TNK2: variants seen among roughly 807,000 people sequenced by gnomAD.
TNK2 encodes the protein activated CDC42 kinase 1.
Under a neutral mutation model 101.8 loss-of-function variants are expected in TNK2, and 83 were observed. The observed-to-expected ratio is 0.82, with a 90% CI of 0.68 to 0.98. The LOEUF (loss-of-function observed/expected upper bound fraction) is 0.98. Among genes scored for constraint, TNK2 ranks in the 50% least tolerant of loss-of-function variants. The pLI is 0.00. For synonymous variants in TNK2, 804 were observed against 633.0 expected (o/e 1.27, Z -4.06); for missense variants, 1,665 against 1,483.2 (o/e 1.12, Z -2.01).
rs79051401 is a variant in TNK2 at position 195,901,019 on chromosome 3, A to G, written c.-19+7466T>C. 7.9e-3 allele frequency among the ~76,000 whole-genome samples: 1,211 copies of G among 152,368 alleles called. 17 individuals carry two copies. The highest frequency in any genetic ancestry group is 0.028 in the African/African-American group (1,146 of 41,582). ...CTGGGAAGTGAACATTCAGTCTACA[A>G]GATACACTGCTCATTCCCTCAGGAC... On this transcript the variant is annotated intron_variant, in intron 1 of 15. Transcript: ENST00000672887.
At chr3:195,867,045 G>T in intron 14 of TNK2, 29 bp from the exon 15 acceptor site, 1 of 1,612,034 alleles carries the variant, frequency 6.2e-7, no homozygotes, top group Middle Eastern at 1.7e-4. Flanking sequence ...CCATGGACAC[G>T]CGGGCCCAGG....
In TNK2 at chr3:195,867,729, G is replaced by A. The variant is rs780578357; in HGVS notation, c.2569C>T (p.Pro857Ser). 5.2e-5 allele frequency: 83 copies of A among 1,604,408 alleles called. No homozygotes were observed. Among genetic ancestry groups the A allele is most frequent in the Non-Finnish European group, 6.9e-5 (81 of 1,176,594 alleles). The change falls in exon 13 of 16, where the codon CCC becomes TCC. Residue 857 changes from proline to serine, a missense_variant. By Grantham distance (74) the Pro-to-Ser change is moderately conservative. Transcript: ENST00000672887. ...VIQAPGPRAG[P>S]CILPIVRDGK... ...TCCCGGACGATGGGCAGGATGCAGGGACCAGCCCGCGGGCCAGGGGCCTGG... is the reference window on the plus strand; with the variant it reads ...TCCCGGACGATGGGCAGGATGCAGGAACCAGCCCGCGGGCCAGGGGCCTGG...
intron 4 of TNK2, 91 bp downstream of exon 4, chr3:195,884,721 G>T: frequency 8.2e-7 from 1 of 1,219,552 alleles, no homozygotes; most frequent in Non-Finnish European, 1.2e-6. Flanking sequence ...CGCATCCCCA[G>T]TCCCATCCAC....
chr3:195,899,877 G>GC (rs1279739266), intron 1 of TNK2, among the ~76,000 whole-genome samples: 1 of 152,172 alleles, frequency 6.6e-6, no homozygotes, highest in Admixed American at 6.5e-5. Flanking sequence ...AACGGTGGCT[G>GC]CTTCTTCCCC....
chr3:195,879,805 G>A (rs1231120161), intron 6 of TNK2, among the ~76,000 whole-genome samples: 6 of 152,062 alleles, frequency 3.9e-5, no homozygotes, highest in Non-Finnish European at 7.4e-5. Flanking sequence ...GGATGGGGCC[G>A]GGAAAGTCAC....
intron 1 of TNK2, chr3:195,896,045 G>A: frequency 2.2e-6 from 1 of 452,718 alleles, no homozygotes; most frequent in East Asian, 7.2e-5. Flanking sequence ...CGCTGGGCAC[G>A]CACTGACCTC....
chr3:195,890,931 T>A (rs925559526), intron 1 of TNK2, among the ~76,000 whole-genome samples: 3 of 152,190 alleles, frequency 2.0e-5, no homozygotes, highest in African/African-American at 7.2e-5. Context: ...CCACCTGAGG[T>A]CTCAAGATCT....
chr3:195,892,875 A>G, intron 1 of TNK2: 1 of 469,410 alleles, frequency 2.1e-6, no homozygotes, highest in Non-Finnish European at 2.9e-6. Context: ...TGGCTGAAAA[A>G]GGACCTTTCT....
chr3:195,906,313 G>C (rs546122777), intron 1 of TNK2, among the ~76,000 whole-genome samples: 4 of 152,220 alleles, frequency 2.6e-5, no homozygotes, highest in African/African-American at 4.8e-5. Flanking sequence ...CAGCCATTCC[G>C]GTCCTAGGGA....
intron 1 of TNK2, among the ~76,000 whole-genome samples, chr3:195,906,724 T>C (rs1761758619): frequency 6.6e-6 from 1 of 152,224 alleles, no homozygotes; most frequent in Non-Finnish European, 1.5e-5. Context: ...TTGTGTGTTT[T>C]AAATATGCTC....
At chr3:195,892,079 C>T (rs1213159802) in intron 1 of TNK2, 3 of 889,148 alleles carry the variant, frequency 3.4e-6, no homozygotes, top group African/African-American at 1.8e-5. Flanking sequence ...CTAAGTCCCC[C>T]TCCAGCCCAA....
intron 14 of TNK2, 75 bp downstream of exon 14, chr3:195,867,094 G>A (rs1741379536): frequency 7.5e-6 from 12 of 1,607,314 alleles, no homozygotes; most frequent in Admixed American, 5.0e-5. Flanking sequence ...TCGGAGCCAG[G>A]GGGCGTGGGG....
intron 1 of TNK2, chr3:195,895,511 G>A: frequency 7.4e-7 from 1 of 1,351,576 alleles, no homozygotes. Context: ...CCTCCTGCCG[G>A]CCTGCGGCCA....
intron 1 of TNK2, chr3:195,892,553 G>A (rs1031434764): frequency 2.0e-5 from 30 of 1,520,292 alleles, no homozygotes; most frequent in Non-Finnish European, 2.5e-5. Context: ...CCGGAGCTTC[G>A]CACTCTGCCC....
chr3:195,893,642 C>G (rs1444059362), intron 1 of TNK2, among the ~76,000 whole-genome samples: 3 of 152,066 alleles, frequency 2.0e-5, no homozygotes, highest in African/African-American at 7.2e-5. Flanking sequence ...TCTTACACCC[C>G]CCTCGCTACG....
rs200234158 is a variant in TNK2 at position 195,882,149 on chromosome 3, G to A, written c.789C>T (p.Arg263=). 5.4e-5 allele frequency: 87 copies of A among 1,613,856 alleles called. No individual in the cohort carries two copies. In the East Asian group the frequency reaches 8.0e-4, roughly 15 times the overall value. The change falls in exon 6 of 16, where the codon CGC becomes CGT. Residue 263 remains arginine, a synonymous_variant. Transcript: ENST00000672887. This position sits in a 1 kb window ranked among gnomAD's most constrained non-coding sequence, Gnocchi z 4.2. The part of the protein sequence containing the change: ...LAARNLLLAT[R]DLVKIGDFGL... The stretch of plus-strand genomic sequence containing the variant: ...CAAAGTCCCCGATCTTGACCAGGTC[G>A]CGGGTAGCCAACAGCAGATTGCGGG...
In TNK2 at chr3:195,888,143, A is replaced by G. The variant is rs1756942295; in HGVS notation, c.163+283T>C. Among the ~76,000 whole-genome samples, 1 of 152,116 alleles carries G rather than the reference A, an allele frequency of 6.6e-6. No homozygotes were observed. Among genetic ancestry groups the G allele is most frequent in the African/African-American group, 2.4e-5 (1 of 41,414 alleles). On this transcript the variant is annotated intron_variant, in intron 2 of 15. Transcript: ENST00000672887. The surrounding 1 kb of genome is among the most constrained non-coding windows in gnomAD (Gnocchi z 5.3). Reference sequence around the variant, plus strand: ...AGACTCAATTCGATGCTTATGAAGGAGGGGCAATGGAGGACATACACTCTA... The same window carrying G: ...AGACTCAATTCGATGCTTATGAAGGGGGGGCAATGGAGGACATACACTCTA...
Position 195,867,397 on chromosome 3 carries a change from C to T in TNK2, c.2901G>A (p.Gly967=). 2.5e-6 allele frequency: 4 copies of T among 1,605,466 alleles called. No homozygotes were observed. Among genetic ancestry groups the T allele is most frequent in the Non-Finnish European group, 3.4e-6 (4 of 1,178,288 alleles). The change falls in exon 13 of 16, where the codon GGG becomes GGA. Residue 967 remains glycine (G), a synonymous_variant. Transcript: ENST00000672887. Reference sequence around the variant, plus strand: ...TGTCTGCTGGCCGGCCCGCCTCTGGCCCATCGCCAGGGCAGCCCCTCTGTG... The same window carrying T: ...TGTCTGCTGGCCGGCCCGCCTCTGGTCCATCGCCAGGGCAGCCCCTCTGTG... ...RLPQRGCPGD[G]PEAGRPADKI... is the part of the protein sequence containing the mutation.
At position 195,876,747 on chromosome 3, in the gene TNK2, G is replaced by A. The variant is rs548658543; in HGVS notation, c.1256+1506C>T. 38 of 426,264 alleles carry A rather than the reference G, an allele frequency of 8.9e-5. 1 individual carries two copies. The highest frequency in any genetic ancestry group is 6.7e-4 in the Admixed American group (26 of 39,094). The allele number at this position is 426,264 out of a possible 1,614,324, so 26.4% of individuals were successfully genotyped here. A position where few individuals can be genotyped will look rare whatever the true frequency, so the allele number is the denominator to read the frequency against. On this transcript the variant is annotated intron_variant, in intron 9 of 15. Coordinates refer to ENST00000672887, the MANE Select transcript of TNK2 (RefSeq NM_001382273.1). The stretch of plus-strand genomic sequence containing the variant: ...GCGGCTGGGGCCAACGGGGGCCTTC[G>A]ACGGAAGGGCGGGGCGGGGCACACC...
Sources: allele counts gnomAD v4.1 joint callset (sites outside exome capture counted in the v4.1 genomes callset), GRCh38; gene constraint gnomAD v4.1.1; non-coding constraint Gnocchi (gnomAD v3.1); transcripts MANE v1.5; gene names NCBI Gene and HGNC (gene_info 2026-07-23, HGNC 2026-07-21).